Variants in ICAM2 observed in about 807,000 individuals in gnomAD.
The protein encoded by ICAM2 is intercellular adhesion molecule 2.
In ICAM2, 14 loss-of-function variants were observed where a neutral mutation model predicts 19.1. The observed-to-expected ratio is 0.73, with a 90% CI of 0.48 to 1.15. The LOEUF is 1.15. Among genes scored for constraint, ICAM2 ranks in the 50% most tolerant of loss-of-function variants. The pLI, the probability that ICAM2 is intolerant of heterozygous loss-of-function variation, is 0.00. For missense variants in ICAM2, 311 were observed against 355.4 expected, an observed-to-expected ratio of 0.88 and a Z score of 1.00; for synonymous variants, 153 against 152.7, an observed-to-expected ratio of 1.00 and a Z score of -0.01.
chr17:64,006,907 C>T lies in ICAM2; in HGVS notation c.-44-172G>A. On this transcript the variant is annotated intron_variant, in intron 1 of 4. Coordinates refer to ENST00000579788, the MANE Select transcript of ICAM2 (RefSeq NM_001099789.2). ...AATCCAGGCAGAGGAAGCTGGGAAG[C>T]TGCTGATAAGCAGGGCATAACCCAG... is the stretch of plus-strand genomic sequence containing the variant. The T allele has an allele frequency of 5.1e-6, 3 of 592,832 alleles. No homozygotes were observed. The Admixed American group carries it at 9.0e-5, about 18-fold the overall frequency. 36.7% of individuals were successfully genotyped at this position (592,832 alleles called of 1,614,324 possible). A position where few individuals can be genotyped will look rare whatever the true frequency, so the allele number is the denominator to read the frequency against.
intron 1 of ICAM2, among the ~76,000 whole-genome samples, chr17:64,009,449 A>G (rs1261465822): frequency 6.6e-6 from 1 of 152,072 alleles, no homozygotes; most frequent in Non-Finnish European, 1.5e-5. Flanking sequence ...AGGCCTGCAC[A>G]AAGGTTTTCT....
At chr17:64,016,679 C>G (rs191275610) in intron 1 of ICAM2, among the ~76,000 whole-genome samples, 1 of 152,210 alleles carries the variant, frequency 6.6e-6, no homozygotes, top group Admixed American at 6.5e-5. Flanking sequence ...TCGCCTACAG[C>G]TGCAACATCA....
chr17:64,011,494 A>G (rs1911453630), intron 1 of ICAM2, among the ~76,000 whole-genome samples: 1 of 152,196 alleles, frequency 6.6e-6, no homozygotes, highest in Non-Finnish European at 1.5e-5. Context: ...GCCAAGAGGT[A>G]TATTAAGGAG....
At chr17:64,015,217 C>G (rs1482402143) in intron 1 of ICAM2, among the ~76,000 whole-genome samples, 3 of 152,046 alleles carry the variant, frequency 2.0e-5, no homozygotes, top group African/African-American at 7.2e-5. Flanking sequence ...ACATACTTAG[C>G]ATTAATTGCT....
chr17:64,002,687 C>T lies in ICAM2; in HGVS notation c.*60G>A. The stretch of plus-strand genomic sequence containing the variant: ...CTTCAGCCAGGGCTGGACCTCAACC[C>T]TGAGGAGTCACACTGAGTTCCAGTG... On this transcript the variant is annotated 3_prime_UTR_variant, in exon 5 of 5. Coordinates refer to ENST00000579788, the MANE Select transcript of ICAM2 (RefSeq NM_001099789.2). The T allele has an allele frequency of 6.7e-7, 1 of 1,501,424 alleles. No individual in the cohort carries two copies. Among genetic ancestry groups the T allele is most frequent in the Non-Finnish European group, 9.1e-7 (1 of 1,095,634 alleles). The allele number at this position is 1,501,424 out of a possible 1,614,324, so 93.0% of individuals were successfully genotyped here. A position where few individuals can be genotyped will look rare whatever the true frequency, so the allele number is the denominator to read the frequency against.
At chr17:64,009,613 A>T (rs917045928) in intron 1 of ICAM2, among the ~76,000 whole-genome samples, 8 of 152,052 alleles carry the variant, frequency 5.3e-5, no homozygotes, top group Non-Finnish European at 1.0e-4. Flanking sequence ...TTGCATACAG[A>T]GAGTTACTGT....
intron 1 of ICAM2, among the ~76,000 whole-genome samples, chr17:64,011,783 T>C (rs1287218453): frequency 2.0e-5 from 3 of 152,046 alleles, no homozygotes; most frequent in African/African-American, 7.2e-5. Context: ...TTGATGAGAA[T>C]GTAGAGAAAA....
intron 3 of ICAM2, chr17:64,004,206 G>A (rs1420268240): frequency 5.8e-6 from 3 of 512,986 alleles, no homozygotes; most frequent in African/African-American, 3.8e-5. Flanking sequence ...TTCAGAAATT[G>A]TACAGCCAAC....
intron 1 of ICAM2, among the ~76,000 whole-genome samples, chr17:64,012,401 C>T (rs533303353): frequency 6.6e-6 from 1 of 152,238 alleles, no homozygotes; most frequent in South Asian, 2.1e-4. Context: ...AGTTCGAGAC[C>T]AGCCTGGACA....
rs746184535 is a variant in ICAM2 at position 64,002,880 on chromosome 17, G to A, written c.695C>T (p.Ser232Leu). The A allele has an allele frequency of 2.5e-6, 4 of 1,613,948 alleles. No homozygotes were observed. The highest frequency in any genetic ancestry group is 3.4e-6 in the Non-Finnish European group (4 of 1,179,960). ...SQMVIIVTVV[S>L]VLLSLFVTSV... Reference sequence around the variant, plus strand: ...TGTCACGAACAGGGACAGCAACACCGACACCACCGTGACTATGATGACCAT... The same window carrying A: ...TGTCACGAACAGGGACAGCAACACCAACACCACCGTGACTATGATGACCAT... The change falls in exon 5 of 5, where the codon TCG (serine) becomes TTG (leucine). Residue 232 changes from serine to leucine, a missense_variant. Ser to Leu is a moderately radical substitution (Grantham distance 145). Coordinates refer to ENST00000579788, the MANE Select transcript of ICAM2 (RefSeq NM_001099789.2).
At chr17:64,006,939 C>T (rs1911241548) in intron 1 of ICAM2, 1 of 553,822 alleles carries the variant, frequency 1.8e-6, no homozygotes, top group Non-Finnish European at 3.2e-6. Context: ...CCAGTCCTCC[C>T]TGCTGACTCC....
chr17:64,014,698 GAAGGAAGGAAGGAAGGAAGGAAGGAAGA>G (rs1390332052), intron 1 of ICAM2, among the ~76,000 whole-genome samples: 20 of 69,700 alleles, frequency 2.9e-4, no homozygotes, highest in South Asian at 5.5e-4. Flanking sequence ...AGGAAGGAAG[GAAGGAAGGAAGGAAGGAAGGAAGGAAGA>G]AAGAAAGAAA....
chr17:64,014,945 C>A (rs1390519040), intron 1 of ICAM2, among the ~76,000 whole-genome samples: 1 of 151,994 alleles, frequency 6.6e-6, no homozygotes, highest in Non-Finnish European at 1.5e-5. Flanking sequence ...AAAAACCCTT[C>A]CCTACAAAAC....
Position 64,002,915 on chromosome 17 carries a change from C to G in ICAM2, c.660G>C (p.Ser220=), listed in dbSNP as rs143932691. ...PKMLEIYEPV[S]DSQMVIIVTV... ...TGACTATGATGACCATCTGGCTGTC[C>G]GACACAGGCTCTGGGGAGGGAGGGG... The change falls in exon 5 of 5, where the codon TCG becomes TCC. Residue 220 remains serine, a synonymous_variant. Coordinates refer to ENST00000579788, the MANE Select transcript of ICAM2 (RefSeq NM_001099789.2). 8.1e-6 allele frequency: 13 copies of G among 1,612,916 alleles called. No individual in the cohort carries two copies. In the East Asian group the frequency reaches 2.7e-4, roughly 33 times the overall value.
At chr17:64,015,520 C>T (rs1006147533) in intron 1 of ICAM2, among the ~76,000 whole-genome samples, 4 of 151,996 alleles carry the variant, frequency 2.6e-5, no homozygotes, top group African/African-American at 9.7e-5. Flanking sequence ...TGGGAAGATC[C>T]CTTAAGCCCA....
At chr17:64,019,251 A>T (rs374644680) in intron 1 of ICAM2, among the ~76,000 whole-genome samples, 1 of 152,178 alleles carries the variant, frequency 6.6e-6, no homozygotes, top group Non-Finnish European at 1.5e-5. Context: ...CAGGTGCAGC[A>T]GTTCAAGACT....
intron 1 of ICAM2, among the ~76,000 whole-genome samples, chr17:64,014,596 AAAGAAAGG>A: frequency 7.7e-6 from 1 of 130,718 alleles, no homozygotes; most frequent in Non-Finnish European, 1.7e-5. Context: ...AGGAAGAAAG[AAAGAAAGG>A]GAGGGAGGGA....
chr17:64,006,219 T>A (rs1190928215), intron 2 of ICAM2: 1 of 162,316 alleles, frequency 6.2e-6, no homozygotes, highest in Non-Finnish European at 1.3e-5. Flanking sequence ...AAATAAAAAA[T>A]TTAAAAAGCT....
chr17:64,014,592 A>G (rs9890568), intron 1 of ICAM2, among the ~76,000 whole-genome samples: 14 of 129,562 alleles, frequency 1.1e-4, no homozygotes, highest in East Asian at 2.5e-4. Flanking sequence ...AGGAAGGAAG[A>G]AAGAAAGAAA....
Sources: allele counts gnomAD v4.1 joint callset (sites outside exome capture counted in the v4.1 genomes callset), GRCh38; gene constraint gnomAD v4.1.1; transcripts MANE v1.5; gene names NCBI Gene and HGNC (gene_info 2026-07-23, HGNC 2026-07-21).